Variants in NPIPB2 observed in about 807,000 individuals in gnomAD.
NPIPB2 encodes nuclear pore complex interacting protein family member B2, also known as nuclear pore complex-interacting protein family member B2.
NPIPB2 carries 27 observed loss-of-function variants against 30.8 expected under a neutral mutation model. The ratio of observed to expected loss-of-function variants is 0.88; its 90% CI spans 0.65 to 1.21. The LOEUF (loss-of-function observed/expected upper bound fraction) is 1.21. Among genes scored for constraint, NPIPB2 ranks in the 50% most tolerant of loss-of-function variants. NPIPB2 has a pLI of 0.00. For missense variants in NPIPB2, 440 were observed against 446.2 expected, an observed-to-expected ratio of 0.99 and a Z score of 0.13; for synonymous variants, 147 against 162.0, an observed-to-expected ratio of 0.91 and a Z score of 0.70.
chr16:11,937,520 C>T lies in NPIPB2; in HGVS notation c.192+20G>A, dbSNP rs1200184092. 3.5e-6 allele frequency: 5 copies of T among 1,416,386 alleles called. No homozygotes were observed. The highest frequency in any genetic ancestry group is 1.8e-4 in the Middle Eastern group (1 of 5,688). 87.7% of individuals were successfully genotyped at this position (1,416,386 alleles called of 1,614,324 possible). A position where few individuals can be genotyped will look rare whatever the true frequency, so the allele number is the denominator to read the frequency against. ...ATTTGTGATTACAAGTATACCTCTA[C>T]AGAAAGTTAGTACACTCACCCAAAG... is the stretch of plus-strand genomic sequence containing the variant. On this transcript the variant is annotated intron_variant, in intron 2 of 7. Coordinates refer to ENST00000399147, the Ensembl canonical transcript of NPIPB2.
intron 1 of NPIPB2, among the ~76,000 whole-genome samples, chr16:11,958,518 C>G (rs534805060): frequency 6.6e-6 from 1 of 152,024 alleles, no homozygotes; most frequent in South Asian, 2.1e-4. Flanking sequence ...TGGCTTGAGT[C>G]TAGGAGTTTG....
chr16:11,934,260 A>AC (rs1567465726), intron 2 of NPIPB2, among the ~76,000 whole-genome samples: 3 of 137,562 alleles, frequency 2.2e-5, no homozygotes, highest in African/African-American at 5.4e-5. Flanking sequence ...ACACACACAT[A>AC]AGAATGACAT....
chr16:11,952,562 T>C (rs1166760016), intron 1 of NPIPB2, among the ~76,000 whole-genome samples: 1 of 95,126 alleles, frequency 1.1e-5, no homozygotes, highest in East Asian at 3.6e-4. Context: ...CATCTTTCTT[T>C]CTCTTTTTTT....
At chr16:11,945,022 T>TAA (rs560195968), upstream of NPIPB2, among the ~76,000 whole-genome samples, 2 of 140,706 alleles carry the variant, frequency 1.4e-5, no homozygotes, top group Admixed American at 7.1e-5. Flanking sequence ...CTACTAAAAA[T>TAA]AAAAAAAAAA....
At chr16:11,944,557 G>A (rs553601297), upstream of NPIPB2, among the ~76,000 whole-genome samples, 27 of 150,736 alleles carry the variant, frequency 1.8e-4, no homozygotes, top group Non-Finnish European at 3.4e-4. Flanking sequence ...GAGGTCAGGA[G>A]TTTAAGACCA....
chr16:11,962,494 C>G (rs2055160836), intron 1 of NPIPB2, among the ~76,000 whole-genome samples: 1 of 151,576 alleles, frequency 6.6e-6, no homozygotes. Flanking sequence ...TGCCTGTAGT[C>G]CCAGCTACTC....
intron 4 of NPIPB2, 47 bp downstream of exon 4, chr16:11,933,470 T>C: frequency 1.3e-6 from 2 of 1,595,564 alleles, no homozygotes; most frequent in South Asian, 1.1e-5. Flanking sequence ...TCTACTTTGA[T>C]TGGCACATGG....
chr16:11,938,872 T>C (rs986005249), intron 1 of NPIPB2, among the ~76,000 whole-genome samples: 3 of 151,774 alleles, frequency 2.0e-5, no homozygotes, highest in Non-Finnish European at 4.4e-5. Flanking sequence ...CCTCAGCTAC[T>C]GAGTAACTGG....
chr16:11,961,147 G>A lies in NPIPB2; in HGVS notation c.-584+15421C>T, dbSNP rs775513552. On this transcript the variant is annotated intron_variant, in intron 1 of 5. Transcript: ENST00000538896. The stretch of plus-strand genomic sequence containing the variant: ...CAAAGTGCTGGGATTACAGGTGTGA[G>A]CCACTGCACCCAGCCTGGGAGATAA... 4.6e-5 allele frequency among the ~76,000 whole-genome samples: 7 copies of A among 152,312 alleles called. No homozygotes were observed. The East Asian group carries it at 7.7e-4, about 17-fold the overall frequency.
chr16:11,944,337 T>G (rs2054978891), upstream of NPIPB2, among the ~76,000 whole-genome samples: 1 of 151,772 alleles, frequency 6.6e-6, no homozygotes, highest in South Asian at 2.1e-4. Context: ...CAGCTAATTT[T>G]TGTAGTTTTA....
intron 1 of NPIPB2, among the ~76,000 whole-genome samples, chr16:11,941,585 G>T (rs2054941104): frequency 1.4e-5 from 2 of 138,154 alleles, no homozygotes; most frequent in African/African-American, 5.8e-5. Flanking sequence ...GGAGCGTGAG[G>T]CTTAGGGGCA....
At chr16:11,933,753 G>A in intron 3 of NPIPB2, 41 bp from the exon 4 acceptor site, 2 of 1,596,016 alleles carry the variant, frequency 1.3e-6, no homozygotes, top group Non-Finnish European at 1.7e-6. Flanking sequence ...GAAACCTGAG[G>A]GCAAGAAGCT....
intron 1 of NPIPB2, among the ~76,000 whole-genome samples, chr16:11,938,624 C>A (rs1250439307): frequency 1.3e-5 from 2 of 151,868 alleles, no homozygotes; most frequent in African/African-American, 4.8e-5. Context: ...AGCCACTGTA[C>A]CTGGCCAAAA....
At chr16:11,975,363 G>A (rs1406535438) in intron 1 of NPIPB2, among the ~76,000 whole-genome samples, 3 of 149,382 alleles carry the variant, frequency 2.0e-5, no homozygotes, top group Non-Finnish European at 4.5e-5. Context: ...TAGCCGGGAT[G>A]GTCTCGATCT....
chr16:11,933,941 T>C lies in NPIPB2; in HGVS notation c.193-17A>G. 1 of 1,523,598 alleles carries C rather than the reference T, an allele frequency of 6.6e-7. No individual in the cohort carries two copies. The highest frequency in any genetic ancestry group is 9.0e-7 in the Non-Finnish European group (1 of 1,112,648). The allele number at this position is 1,523,598 out of a possible 1,614,324, so 94.4% of individuals were successfully genotyped here. On this transcript the variant is annotated splice_polypyrimidine_tract_variant and intron_variant, in intron 2 of 7. Transcript: ENST00000399147. ...GAAAGACAACTAGGAAATAATAATA[T>C]AAGAATGACGGCTGGGCACGGTGGT...
chr16:11,974,334 G>A (rs2055254176), intron 1 of NPIPB2, among the ~76,000 whole-genome samples: 3 of 152,004 alleles, frequency 2.0e-5, no homozygotes, highest in Admixed American at 2.0e-4. Flanking sequence ...CCAACATGGT[G>A]AAAGCCGATC....
chr16:11,965,044 T>G (rs2055182414), intron 1 of NPIPB2: 1 of 432,554 alleles, frequency 2.3e-6, no homozygotes, highest in East Asian at 3.7e-5. Context: ...CTTCTATAAA[T>G]AAGCAGTTTC....
intron 1 of NPIPB2, among the ~76,000 whole-genome samples, chr16:11,963,356 G>A (rs1336013761): frequency 5.3e-5 from 8 of 150,792 alleles, no homozygotes; most frequent in African/African-American, 2.0e-4. Context: ...CTCCAGCCTG[G>A]GCAATAACAG....
intron 1 of NPIPB2, among the ~76,000 whole-genome samples, chr16:11,950,124 C>G (rs1371978939): frequency 2.6e-5 from 4 of 152,142 alleles, no homozygotes; most frequent in Non-Finnish European, 5.9e-5. Flanking sequence ...TAGCCACCTC[C>G]CGGGTTCAAG....
Sources: gnomAD v4.1 joint callset for allele counts (sites outside exome capture counted in the v4.1 genomes callset) on GRCh38, gnomAD v4.1.1 for gene constraint, MANE v1.5 for transcripts, NCBI Gene and HGNC (gene_info 2026-07-23, HGNC 2026-07-21) for gene names.